CAMK1D: variants seen among roughly 807,000 people sequenced by gnomAD.
The protein encoded by CAMK1D is calcium/calmodulin dependent protein kinase ID.
In CAMK1D, 9 loss-of-function variants were observed where a neutral mutation model predicts 47.7. That is an observed-to-expected ratio of 0.19 (90% CI 0.11 to 0.33). CAMK1D has a LOEUF of 0.33. CAMK1D is among the 10% of genes least tolerant of loss of function. The pLI is 1.00. For synonymous variants in CAMK1D, 184 were observed against 184.9 expected (o/e 0.99, Z 0.04); for missense variants, 291 against 488.7 (o/e 0.60, Z 3.81).
intron 1 of CAMK1D, among the ~76,000 whole-genome samples, chr10:12,454,965 G>A (rs1308649675): frequency 1.3e-5 from 2 of 152,170 alleles, no homozygotes; most frequent in African/African-American, 4.8e-5. Flanking sequence ...AAATGTGTGA[G>A]CAGGCCGGCC....
chr10:12,473,551 G>A (rs1030580900), intron 1 of CAMK1D, among the ~76,000 whole-genome samples: 1 of 152,208 alleles, frequency 6.6e-6, no homozygotes, highest in Non-Finnish European at 1.5e-5. Context: ...ACTGTAGGAG[G>A]TAGGAACTGC....
intron 1 of CAMK1D, among the ~76,000 whole-genome samples, chr10:12,475,096 A>G (rs946343794): frequency 1.3e-5 from 2 of 152,148 alleles, no homozygotes; most frequent in African/African-American, 4.8e-5. Flanking sequence ...GATGGTGCAC[A>G]TTCCTTTGGG....
chr10:12,388,424 CTCTG>C (rs1475213439), intron 1 of CAMK1D, among the ~76,000 whole-genome samples: 1 of 152,180 alleles, frequency 6.6e-6, no homozygotes, highest in Non-Finnish European at 1.5e-5. Context: ...CTTCTAGATT[CTCTG>C]TCTGTCAATA....
chr10:12,370,712 G>A (rs886692164), intron 1 of CAMK1D, among the ~76,000 whole-genome samples: 2 of 152,116 alleles, frequency 1.3e-5, no homozygotes, highest in African/African-American at 2.4e-5. Flanking sequence ...AGGTTCAAGC[G>A]ATTCTCCTGC....
intron 8 of CAMK1D, among the ~76,000 whole-genome samples, chr10:12,823,392 C>T (rs1289759442): frequency 6.6e-6 from 1 of 152,036 alleles, no homozygotes; most frequent in African/African-American, 2.4e-5. Context: ...AGGGAAGGAT[C>T]AAAGCCCAGG....
chr10:12,532,882 C>A (rs1835854059), intron 1 of CAMK1D, among the ~76,000 whole-genome samples: 2 of 142,546 alleles, frequency 1.4e-5, no homozygotes, highest in African/African-American at 5.3e-5. Flanking sequence ...TTTGTGGGAT[C>A]TAAAAAGCAA....
intron 2 of CAMK1D, among the ~76,000 whole-genome samples, chr10:12,596,240 T>C (rs1838144031): frequency 6.6e-6 from 1 of 152,078 alleles, no homozygotes; most frequent in African/African-American, 2.4e-5. Flanking sequence ...AAAGGATTCA[T>C]GAGTTGGGCA....
At chr10:12,736,675 T>C (rs1041137196) in intron 3 of CAMK1D, among the ~76,000 whole-genome samples, 4 of 151,138 alleles carry the variant, frequency 2.6e-5, no homozygotes, top group African/African-American at 9.7e-5. Context: ...GTTGACACGA[T>C]GTGCTTCCAA....
intron 1 of CAMK1D, among the ~76,000 whole-genome samples, chr10:12,532,931 C>A (rs986116438): frequency 8.3e-6 from 1 of 120,800 alleles, no homozygotes; most frequent in African/African-American, 3.4e-5. Context: ...AGAAGAATGG[C>A]TTCTAGAGAC....
chr10:12,529,111 T>A (rs1835721897), intron 1 of CAMK1D, among the ~76,000 whole-genome samples: 1 of 152,172 alleles, frequency 6.6e-6, no homozygotes, highest in Admixed American at 6.5e-5. Context: ...GTGCTGAGAT[T>A]ACAGGTGTGA....
At chr10:12,762,726 C>A (rs957604050) in intron 4 of CAMK1D, among the ~76,000 whole-genome samples, 1 of 152,168 alleles carries the variant, frequency 6.6e-6, no homozygotes, top group African/African-American at 2.4e-5. Context: ...CTGCAGGCTT[C>A]TTGACATCTG....
chr10:12,688,724 G>A (rs939405412), intron 3 of CAMK1D, among the ~76,000 whole-genome samples: 11 of 151,714 alleles, frequency 7.3e-5, no homozygotes, highest in African/African-American at 2.7e-4. Context: ...CGCTCTTGTC[G>A]CCCAGGCTGG....
At chr10:12,374,276 A>G (rs948892810) in intron 1 of CAMK1D, among the ~76,000 whole-genome samples, 18 of 150,890 alleles carry the variant, frequency 1.2e-4, no homozygotes, top group South Asian at 2.1e-4. Context: ...AAAAAAAAAA[A>G]AAAAGAAAAA....
At chr10:12,650,911 C>T (rs1187380961) in intron 2 of CAMK1D, among the ~76,000 whole-genome samples, 1 of 152,186 alleles carries the variant, frequency 6.6e-6, no homozygotes, top group Non-Finnish European at 1.5e-5. Context: ...TCGCCCCACA[C>T]CCTTACTGCA....
At chr10:12,423,047 T>C (rs1376144566) in intron 1 of CAMK1D, among the ~76,000 whole-genome samples, 2 of 152,166 alleles carry the variant, frequency 1.3e-5, no homozygotes, top group African/African-American at 4.8e-5. Flanking sequence ...CTTTTGTACA[T>C]GAAACTTGGG....
chr10:12,471,795 G>A (rs1422711379), intron 1 of CAMK1D, among the ~76,000 whole-genome samples: 1 of 152,142 alleles, frequency 6.6e-6, no homozygotes, highest in Admixed American at 6.5e-5. Flanking sequence ...ACTTTGGGAA[G>A]CCGAGATGGG....
Position 12,799,933 on chromosome 10 carries a change from T to C in CAMK1D, c.641+8700T>C, listed in dbSNP as rs1838356161. Among the ~76,000 whole-genome samples, 4 of 152,198 alleles carry C rather than the reference T, an allele frequency of 2.6e-5. No homozygotes were observed. In the South Asian group the frequency reaches 8.3e-4, roughly 32 times the overall value. ...CAACTTTCTAAGGAGTGGGTTTCCC[T>C]TTTCCTCTCTGGTATTCCCTTTCCT... On this transcript the variant is annotated intron_variant, in intron 6 of 10. Transcript: ENST00000619168.
intron 2 of CAMK1D, among the ~76,000 whole-genome samples, chr10:12,634,229 C>T (rs1450020006): frequency 6.6e-6 from 1 of 152,208 alleles, no homozygotes; most frequent in African/African-American, 2.4e-5. Context: ...CTAGCATCGT[C>T]CTTTCTCACC....
chr10:12,769,551 A>T, intron 4 of CAMK1D, 122 bp from the exon 5 acceptor site: 12 of 1,059,664 alleles, frequency 1.1e-5, no homozygotes, highest in Non-Finnish European at 1.6e-5. Context: ...TGATGCATCT[A>T]CTGTGTCCAA....
Sources: allele counts gnomAD v4.1 joint callset (sites outside exome capture counted in the v4.1 genomes callset), GRCh38; gene constraint gnomAD v4.1.1; transcripts MANE v1.5; gene names NCBI Gene and HGNC (gene_info 2026-07-23, HGNC 2026-07-21).